Variants in MYO1E observed in about 807,000 individuals in gnomAD.
MYO1E encodes unconventional myosin-Ie.
A neutral mutation model predicts 151.1 loss-of-function variants in MYO1E; 68 were observed. The observed-to-expected ratio is 0.45, with a 90% CI of 0.37 to 0.55. The LOEUF is 0.55. Among genes scored for constraint, MYO1E ranks in the 20% least tolerant of loss-of-function variants. The pLI, the probability that MYO1E is intolerant of heterozygous loss-of-function variation, is 0.00. For synonymous variants in MYO1E, 601 were observed against 501.7 expected (o/e 1.20, Z -2.64); for missense variants, 1,363 against 1,389.3 (o/e 0.98, Z 0.30).
chr15:59,234,983 C>T (rs2080053788), intron 5 of MYO1E, among the ~76,000 whole-genome samples: 1 of 152,144 alleles, frequency 6.6e-6, no homozygotes, highest in African/African-American at 2.4e-5. Context: ...TGATGAGCGC[C>T]AAGCTTGGGC....
In MYO1E at chr15:59,324,035, T is replaced by C. The variant is rs574010555; in HGVS notation, c.3+48463A>G. Among the ~76,000 whole-genome samples the C allele has an allele frequency of 2.0e-5, 3 of 151,156 alleles. No individual in the cohort carries two copies. The East Asian group carries it at 5.8e-4, about 29-fold the overall frequency. On this transcript the variant is annotated intron_variant, in intron 1 of 27. Coordinates refer to ENST00000288235, the MANE Select transcript of MYO1E (RefSeq NM_004998.4). ...GAGAGCTGAGATTCAAGATCTAATC[T>C]GGGCAAAGTGAGGGATCCTCCCTTG...
chr15:59,161,668 T>C (rs1246060299), intron 23 of MYO1E, among the ~76,000 whole-genome samples: 1 of 152,152 alleles, frequency 6.6e-6, no homozygotes, highest in Non-Finnish European at 1.5e-5. Context: ...GACTCTAGCA[T>C]AGAACCTGGC....
At chr15:59,164,174 GCAA>G (rs1174786104) in intron 22 of MYO1E, among the ~76,000 whole-genome samples, 2 of 152,170 alleles carry the variant, frequency 1.3e-5, no homozygotes, top group East Asian at 3.8e-4. Flanking sequence ...TTGGTAGAAA[GCAA>G]CAACATGTAT....
chr15:59,346,117 C>T (rs1229211855), intron 1 of MYO1E, among the ~76,000 whole-genome samples: 1 of 152,210 alleles, frequency 6.6e-6, no homozygotes, highest in African/African-American at 2.4e-5. Flanking sequence ...CTGGCTCCCA[C>T]TTCTGAATCC....
At chr15:59,332,542 C>T (rs913907719) in intron 1 of MYO1E, among the ~76,000 whole-genome samples, 30 of 152,268 alleles carry the variant, frequency 2.0e-4, no homozygotes, top group Non-Finnish European at 3.2e-4. Flanking sequence ...CAGCAGTCCA[C>T]AGACAGGTGT....
At chr15:59,244,073 G>A (rs2080115630) in intron 4 of MYO1E, among the ~76,000 whole-genome samples, 2 of 152,222 alleles carry the variant, frequency 1.3e-5, no homozygotes, top group Non-Finnish European at 2.9e-5. Flanking sequence ...AAACAGCCAT[G>A]CTGAAACCAC....
chr15:59,274,059 C>CTTT (rs71864504), intron 1 of MYO1E, among the ~76,000 whole-genome samples: 316 of 150,708 alleles, frequency 2.1e-3, no homozygotes, highest in Non-Finnish European at 3.4e-3. Flanking sequence ...AAATGGTTTA[C>CTTT]TTTTTTTTCG....
At chr15:59,341,413 A>G (rs146537055) in intron 1 of MYO1E, 36 of 152,198 alleles carry the variant, frequency 2.4e-4, no homozygotes, top group African/African-American at 8.4e-4. Flanking sequence ...TGTTACTGTG[A>G]GCATGCAAAT....
At chr15:59,356,697 C>T (rs8024879) in intron 1 of MYO1E, among the ~76,000 whole-genome samples, 24,096 of 147,000 alleles carry the variant, frequency 0.16, 2,183 homozygotes, top group East Asian at 0.29. Context: ...CCCACATAAG[C>T]CTCCCAAGTA....
intron 2 of MYO1E, among the ~76,000 whole-genome samples, chr15:59,270,354 C>A (rs1246406744): frequency 6.6e-6 from 1 of 151,884 alleles, no homozygotes; most frequent in Non-Finnish European, 1.5e-5. Context: ...GAGTTTGAGA[C>A]CAGCCTGGGC....
At chr15:59,313,130 T>C (rs897882734) in intron 1 of MYO1E, among the ~76,000 whole-genome samples, 1 of 152,228 alleles carries the variant, frequency 6.6e-6, no homozygotes, top group Admixed American at 6.5e-5. Context: ...ACTGCTTTAG[T>C]GAGAAGACTT....
chr15:59,135,042 C>T lies in MYO1E; in HGVS notation c.*2338G>A, dbSNP rs747308134. 1 of 152,200 alleles carries T rather than the reference C, an allele frequency of 6.6e-6. No individual in the cohort carries two copies. Among genetic ancestry groups the T allele is most frequent in the African/African-American group, 2.4e-5 (1 of 41,454 alleles). The allele number at this position is 152,200 out of a possible 1,614,324, so 9.4% of individuals were successfully genotyped here. A position where few individuals can be genotyped will look rare whatever the true frequency, so the allele number is the denominator to read the frequency against. ...TAAGATAAACCACTATTTCTCCAAACTTTTCTTAATAGTGTCAGCATTTCA... is the reference window on the plus strand; with the variant it reads ...TAAGATAAACCACTATTTCTCCAAATTTTTCTTAATAGTGTCAGCATTTCA... On this transcript the variant is annotated 3_prime_UTR_variant, in exon 28 of 28. Transcript: ENST00000288235.
chr15:59,360,165 T>C (rs1443592886), intron 1 of MYO1E, among the ~76,000 whole-genome samples: 1 of 152,080 alleles, frequency 6.6e-6, no homozygotes, highest in Admixed American at 6.6e-5. Flanking sequence ...AAAGTCAAAG[T>C]GAAAGATCAG....
intron 27 of MYO1E, 123 bp from the exon 28 acceptor site, chr15:59,137,579 T>C (rs1279663795): frequency 8.5e-6 from 7 of 824,878 alleles, no homozygotes; most frequent in Non-Finnish European, 1.5e-5. Flanking sequence ...CCTTTGTTCT[T>C]TAAATCAAAA....
At chr15:59,290,504 C>T (rs1596402675) in intron 1 of MYO1E, among the ~76,000 whole-genome samples, 1 of 152,298 alleles carries the variant, frequency 6.6e-6, no homozygotes, top group East Asian at 1.9e-4. Flanking sequence ...GGGCCTCTGC[C>T]TTGTCTCCTT....
At chr15:59,255,125 G>A (rs1320617357) in intron 4 of MYO1E, among the ~76,000 whole-genome samples, 1 of 151,548 alleles carries the variant, frequency 6.6e-6, no homozygotes, top group Non-Finnish European at 1.5e-5. Context: ...GTTTGGTTTG[G>A]TTTTTTTGAG....
intron 1 of MYO1E, among the ~76,000 whole-genome samples, chr15:59,330,375 T>A (rs1179313523): frequency 6.6e-6 from 1 of 152,108 alleles, no homozygotes; most frequent in East Asian, 1.9e-4. Flanking sequence ...GCTTTAAGAG[T>A]GGAACATTGC....
chr15:59,225,646 TTTTC>T (rs1283917259), intron 7 of MYO1E, among the ~76,000 whole-genome samples: 16 of 38,702 alleles, frequency 4.1e-4, no homozygotes, highest in East Asian at 1.5e-3. Context: ...CTTTCTTTTC[TTTTC>T]TTTTTTTTTT....
chr15:59,144,915 C>G (rs1451285940), intron 26 of MYO1E, among the ~76,000 whole-genome samples: 1 of 152,190 alleles, frequency 6.6e-6, no homozygotes, highest in African/African-American at 2.4e-5. Flanking sequence ...ACGATCTCGG[C>G]TCACCGCAAC....
Sources: gnomAD v4.1 joint callset for allele counts (sites outside exome capture counted in the v4.1 genomes callset) on GRCh38, gnomAD v4.1.1 for gene constraint, MANE v1.5 for transcripts, NCBI Gene and HGNC (gene_info 2026-07-23, HGNC 2026-07-21) for gene names.